Variants in SLC26A1 observed in about 807,000 individuals in gnomAD.
SLC26A1 encodes sulfate anion transporter 1.
A neutral mutation model predicts 14.5 loss-of-function variants in SLC26A1; 18 were observed. The ratio of observed to expected loss-of-function variants is 1.24; its 90% confidence interval spans 0.86 to 1.84. The LOEUF is 1.84. Among genes scored for constraint, SLC26A1 ranks in the 40% most tolerant of loss-of-function variants. The probability of loss-of-function intolerance (pLI) is 0.00; values close to 1 mark genes in which losing one functional copy is unlikely to be tolerated. For missense variants in SLC26A1, 1,049 were observed against 1,020.0 expected, an observed-to-expected ratio of 1.03 and a Z score of -0.39; for synonymous variants, 505 against 492.0, an observed-to-expected ratio of 1.03 and a Z score of -0.35.
At chr4:990,625 G>C (rs76493568) in intron 2 of SLC26A1, 102 of 505,148 alleles carry the variant, frequency 2.0e-4, no homozygotes, top group Middle Eastern at 1.5e-3. Context: ...CCCTTGTCAC[G>C]TGCAGCAGCC....
At chr4:982,126 G>T (rs572425556) in intron 2 of SLC26A1, among the ~76,000 whole-genome samples, 1 of 152,268 alleles carries the variant, frequency 6.6e-6, no homozygotes, top group East Asian at 1.9e-4. Context: ...GCCCAGTGCC[G>T]TCCACTCTTA....
exon 3 of SLC26A1, chr4:979,283 C>G: frequency 1.5e-6 from 1 of 661,508 alleles, no homozygotes. Context: ...GAGGGGCTGC[C>G]TTTTTTCCCC....
At chr4:992,775 C>A (rs1162224047) in intron 1 of SLC26A1, 1 of 153,954 alleles carries the variant, frequency 6.5e-6, no homozygotes, top group African/African-American at 2.4e-5. Context: ...GCTTAGAGGC[C>A]TGACTGGTCC....
At chr4:991,926 A>G in intron 1 of SLC26A1, 196 bp from the exon 2 acceptor site, 1 of 988,942 alleles carries the variant, frequency 1.0e-6, no homozygotes, top group Non-Finnish European at 1.5e-6. Context: ...TGCTGGATCC[A>G]GAATCCATCG....
rs1195963700 is a variant in SLC26A1 at position 988,069 on chromosome 4, T to C, written c.*764A>G. On this transcript the variant is annotated 3_prime_UTR_variant, in exon 3 of 3. Coordinates refer to ENST00000398516, the MANE Select transcript of SLC26A1 (RefSeq NM_022042.4). Reference sequence around the variant, plus strand: ...CCCCACCTCCCGCCGAAGCACCCTGTTGGGGAGAGCGTGTCCTTGCTGGCT... The same window carrying C: ...CCCCACCTCCCGCCGAAGCACCCTGCTGGGGAGAGCGTGTCCTTGCTGGCT... 1.1e-5 allele frequency: 16 copies of C among 1,464,882 alleles called. No homozygotes were observed. The highest frequency in any genetic ancestry group is 7.0e-5 in the African/African-American group (5 of 71,440). 90.7% of individuals were successfully genotyped at this position (1,464,882 alleles called of 1,614,324 possible).
chr4:989,125 G>A lies in SLC26A1; in HGVS notation c.1814C>T (p.Ala605Val), dbSNP rs748668614. The A allele has an allele frequency of 6.2e-7, 1 of 1,606,650 alleles. No individual in the cohort carries two copies. The highest frequency in any genetic ancestry group is 8.5e-7 in the Non-Finnish European group (1 of 1,176,730). ...PVSTRAALVP[A>V]AAGFHTVVID... The stretch of plus-strand genomic sequence containing the variant: ...GACCACTGTGTGGAAGCCGGCCGCT[G>A]CGGGCACCAGCGCAGCCCTGGTGCT... Residue 605 changes from alanine to valine, a missense_variant, in exon 3 of 3, where the codon GCA (alanine) becomes GTA (valine). Physicochemically the swap from Ala to Val is moderately conservative, Grantham distance 64. Coordinates refer to ENST00000398516, the MANE Select transcript of SLC26A1 (RefSeq NM_022042.4).
chr4:987,862 A>G lies in SLC26A1; in HGVS notation c.*971T>C. On this transcript the variant is annotated 3_prime_UTR_variant, in exon 3 of 3. Transcript: ENST00000398516. ...CAGTACGTCCTCAGCTGGGACCAGC[A>G]GCTCAACCTCGCCTATGTGGGCGCC... 2 of 1,612,442 alleles carry G rather than the reference A, an allele frequency of 1.2e-6. No homozygotes were observed. Among genetic ancestry groups the G allele is most frequent in the Non-Finnish European group, 8.5e-7 (1 of 1,179,840 alleles).
At chr4:983,166 C>T (rs148760853), downstream of SLC26A1, among the ~76,000 whole-genome samples, 1 of 152,304 alleles carries the variant, frequency 6.6e-6, no homozygotes, top group East Asian at 1.9e-4. Flanking sequence ...TATGCGGTTA[C>T]GATTCATTAG....
In SLC26A1 at chr4:988,800, G is replaced by T; in HGVS notation, c.*33C>A. The T allele has an allele frequency of 6.6e-7, 1 of 1,511,960 alleles. No individual in the cohort carries two copies. The highest frequency in any genetic ancestry group is 2.4e-5 in the East Asian group (1 of 41,222). 93.7% of individuals were successfully genotyped at this position (1,511,960 alleles called of 1,614,324 possible). On this transcript the variant is annotated 3_prime_UTR_variant, in exon 3 of 3. Coordinates refer to ENST00000398516, the MANE Select transcript of SLC26A1 (RefSeq NM_022042.4). ...AGACGTCTGCTGTGGGTCCCCAGGA[G>T]GGAGCAGAGGCTGCTGGGCAGGCCT...
In SLC26A1 at chr4:989,626, T is replaced by G. The variant is rs1389419076; in HGVS notation, c.1313A>C (p.Gln438Pro). The G allele has an allele frequency of 6.3e-7, 1 of 1,599,892 alleles. No individual in the cohort carries two copies. The highest frequency in any genetic ancestry group is 8.5e-7 in the Non-Finnish European group (1 of 1,174,822). ...GATGACGCAGGCCAGCACGCTTCGC[T>G]GTAGGTCGTGGAACAGCGGTGCCAG... ...LALAPLFHDLQRSVLACVIVV... is the reference protein window; with the variant it reads ...LALAPLFHDLPRSVLACVIVV... The change falls in exon 3 of 3, where the codon CAG becomes CCG. Residue 438 changes from glutamine to proline, a missense_variant. Gln to Pro is a moderately conservative substitution (Grantham distance 76). Transcript: ENST00000398516.
chr4:986,266 C>T (rs1032789212), downstream of SLC26A1, among the ~76,000 whole-genome samples: 6 of 152,166 alleles, frequency 3.9e-5, no homozygotes, highest in African/African-American at 1.2e-4. Context: ...CTTGGATTCA[C>T]ACATGCATAC....
intron 2 of SLC26A1, among the ~76,000 whole-genome samples, chr4:980,896 G>A (rs1713518671): frequency 6.6e-6 from 1 of 151,998 alleles, no homozygotes; most frequent in Non-Finnish European, 1.5e-5. Flanking sequence ...GATACAAGCA[G>A]AGAAGACAAA....
intron 1 of SLC26A1, 184 bp from the exon 2 acceptor site, chr4:991,914 C>A: frequency 9.6e-7 from 1 of 1,042,420 alleles, no homozygotes; most frequent in Non-Finnish European, 1.4e-6. Context: ...GACGCTGGGC[C>A]CTGCTGGATC....
chr4:986,922 C>G, downstream of SLC26A1: 1 of 718,072 alleles, frequency 1.4e-6, no homozygotes, highest in Admixed American at 2.1e-5. Context: ...CCCGGCTCCC[C>G]GAGGCTCCCC....
downstream of SLC26A1, among the ~76,000 whole-genome samples, chr4:986,131 G>A (rs773679952): frequency 6.6e-5 from 10 of 151,972 alleles, no homozygotes; most frequent in Non-Finnish European, 1.3e-4. Flanking sequence ...CTCCCAGGCC[G>A]ATTTCAAACT....
rs766926909 is a variant in SLC26A1 at position 989,414 on chromosome 4, G to A, written c.1525C>T (p.Arg509Cys). The change falls in exon 3 of 3, where the codon CGC (arginine) becomes TGC (cysteine). Residue 509 changes from arginine to cysteine, a missense_variant. Transcript: ENST00000398516. ...LSLAGRTQRP[R>C]TALLARIGDT... ...CCGATGCGGGCCAGCAGGGCGGTGC[G>A]TGGGCGTTGGGTGCGGCCGGCCAGG... The A allele has an allele frequency of 1.3e-5, 20 of 1,558,758 alleles. No individual in the cohort carries two copies. The highest frequency in any genetic ancestry group is 4.1e-5 in the African/African-American group (3 of 73,468).
At chr4:980,935 G>A (rs1713519925) in intron 2 of SLC26A1, among the ~76,000 whole-genome samples, 1 of 152,082 alleles carries the variant, frequency 6.6e-6, no homozygotes, top group South Asian at 2.1e-4. Context: ...CTTTTACCAG[G>A]AAAAAATAAC....
downstream of SLC26A1, among the ~76,000 whole-genome samples, chr4:984,488 C>T (rs1183062664): frequency 6.6e-6 from 1 of 152,128 alleles, no homozygotes; most frequent in Non-Finnish European, 1.5e-5. Flanking sequence ...CACAAATGAA[C>T]AAAAAATCTC....
chr4:980,708 A>G (rs1713513535), intron 2 of SLC26A1, among the ~76,000 whole-genome samples: 2 of 152,106 alleles, frequency 1.3e-5, no homozygotes, highest in Admixed American at 1.3e-4. Context: ...GATTTTGTTT[A>G]AGAAAAAAAG....
Sources: gnomAD v4.1 joint callset for allele counts (sites outside exome capture counted in the v4.1 genomes callset) on GRCh38, gnomAD v4.1.1 for gene constraint, MANE v1.5 for transcripts, NCBI Gene and HGNC (gene_info 2026-07-23, HGNC 2026-07-21) for gene names.